Variants in CACTIN observed in about 807,000 individuals in gnomAD.
CACTIN encodes cactin, spliceosome C complex subunit, also known as splicing factor Cactin.
Under a neutral mutation model 84.9 loss-of-function variants are expected in CACTIN, and 20 were observed. That is an observed-to-expected ratio of 0.24 (90% CI 0.17 to 0.34). The LOEUF (loss-of-function observed/expected upper bound fraction) is 0.34. Ranked by LOEUF, CACTIN falls within the 10% of genes least tolerant of loss-of-function variation. The pLI, the probability that CACTIN is intolerant of heterozygous loss-of-function variation, is 1.00. For missense variants in CACTIN, 897 were observed against 1,117.2 expected, an observed-to-expected ratio of 0.80 and a Z score of 2.81; for synonymous variants, 549 against 467.9, an observed-to-expected ratio of 1.17 and a Z score of -2.24.
At chr19:3,612,764 G>A (rs1315969438) in intron 9 of CACTIN, 2 of 698,482 alleles carry the variant, frequency 2.9e-6, no homozygotes, top group Admixed American at 2.0e-5. Flanking sequence ...TCTGAAGCCA[G>A]TATTTTCTCC....
Position 3,623,692 on chromosome 19 carries a change from T to C in CACTIN, c.638A>G (p.Asn213Ser). The C allele has an allele frequency of 1.9e-6, 3 of 1,605,444 alleles. No homozygotes were observed. The highest frequency in any genetic ancestry group is 2.6e-6 in the Non-Finnish European group (3 of 1,174,614). ...CCACCACCCGGCGGGGCCCACCTTA[T>C]TCCAGATGAAGGTGCCCAGCAGGTT... ...DNNLLGTFIW[N>S]KALEKKGISH... Residue 213 changes from asparagine to serine, a missense_variant, in exon 2 of 10, where the codon AAT (asparagine) becomes AGT (serine). Physicochemically the swap from Asn to Ser is conservative, Grantham distance 46 (BLOSUM62 1). Transcript: ENST00000429344.
Position 3,612,324 on chromosome 19 carries a change from G to T in CACTIN, c.1876C>A (p.Pro626Thr). The change falls in exon 10 of 10, where the codon CCA becomes ACA. Residue 626 changes from proline (P) to threonine (T), a missense_variant. Transcript: ENST00000429344. ...CACAGGTAGGCCTTGCCGGTGAGTG[G>T]CATCTCCACGCTGAACTGCGCCTCG... ...QDEAQFSVEM[P>T]LTGKAYLWAD... 1 of 1,612,412 alleles carries T rather than the reference G, an allele frequency of 6.2e-7. No homozygotes were observed.
At chr19:3,619,749 G>A (rs1355212347) in intron 4 of CACTIN, among the ~76,000 whole-genome samples, 1 of 152,128 alleles carries the variant, frequency 6.6e-6, no homozygotes, top group Non-Finnish European at 1.5e-5. Context: ...GCCCGAGCTG[G>A]GAGGAGCCTG....
rs1400009460 is a variant in CACTIN at position 3,613,315 on chromosome 19, C to T, written c.1529G>A (p.Gly510Asp). 2 of 1,574,740 alleles carry T rather than the reference C, an allele frequency of 1.3e-6. No individual in the cohort carries two copies. Among genetic ancestry groups the T allele is most frequent in the African/African-American group, 1.4e-5 (1 of 72,920 alleles). ...APTPPGPSSE[G>D]GPAEAEVDGA... Reference sequence around the variant, plus strand: ...GTCCACCTCGGCCTCCGCGGGGCCGCCCTCCGAGGAGGGCCCGGGCGGGGT... The same window carrying T: ...GTCCACCTCGGCCTCCGCGGGGCCGTCCTCCGAGGAGGGCCCGGGCGGGGT... Residue 510 changes from glycine to aspartate, a missense_variant, in exon 9 of 10, where the codon GGC (glycine) becomes GAC (aspartate). Gly to Asp is a moderately conservative substitution (Grantham distance 94). Around this residue, in one of 8 missense-constraint regions of CACTIN, gnomAD observed 243 missense variants for 239.9 expected, o/e 1.01. Coordinates refer to ENST00000429344, the MANE Select transcript of CACTIN (RefSeq NM_001080543.2).
chr19:3,622,588 C>T (rs1252587205), intron 2 of CACTIN, among the ~76,000 whole-genome samples: 1 of 152,170 alleles, frequency 6.6e-6, no homozygotes, highest in Non-Finnish European at 1.5e-5. Flanking sequence ...CCAGGGAGGG[C>T]CCAGGAATCA....
At chr19:3,613,024 G>C in intron 9 of CACTIN, 34 bp downstream of exon 9, 2 of 1,481,124 alleles carry the variant, frequency 1.4e-6, no homozygotes, top group Non-Finnish European at 1.8e-6. Context: ...TCGCCCCACT[G>C]GCCCCACCCC....
In CACTIN at chr19:3,614,567, G is replaced by A. The variant is rs774890692; in HGVS notation, c.1185C>T (p.Asn395=). 26 of 1,606,234 alleles carry A rather than the reference G, an allele frequency of 1.6e-5. No individual in the cohort carries two copies. The highest frequency in any genetic ancestry group is 6.8e-5 in the Admixed American group (4 of 58,946). Residue 395 remains asparagine (N), a synonymous_variant, in exon 7 of 10, where the codon AAC becomes AAT. Coordinates refer to ENST00000429344, the MANE Select transcript of CACTIN (RefSeq NM_001080543.2). ...KGPGERREGV[N]ASVSSDVQSV... ...ACTGCACATCAGAGCTGACGGAGGC[G>A]TTGACCCCCTCGCGGCGCTCACCTG...
chr19:3,614,034 G>A (rs1348845948), intron 7 of CACTIN: 7 of 477,968 alleles, frequency 1.5e-5, no homozygotes, highest in Non-Finnish European at 2.3e-5. Flanking sequence ...GCAGGCCTGG[G>A]CGCAAGGCAG....
chr19:3,622,549 AG>A (rs1253785716), intron 2 of CACTIN, among the ~76,000 whole-genome samples: 2 of 152,238 alleles, frequency 1.3e-5, no homozygotes, highest in African/African-American at 2.4e-5. Flanking sequence ...CACACAACAC[AG>A]GAACAGGCCG....
intron 2 of CACTIN, among the ~76,000 whole-genome samples, chr19:3,622,585 G>A (rs2145333658): frequency 1.3e-5 from 2 of 152,322 alleles, no homozygotes; most frequent in Middle Eastern, 6.8e-3. Context: ...AAGCCAGGGA[G>A]GGCCCAGGAA....
Position 3,619,089 on chromosome 19 carries a change from C to T in CACTIN, c.1038G>A (p.Glu346=). Residue 346 remains glutamate, a synonymous_variant, in exon 5 of 10, where the codon GAG becomes GAA. Coordinates refer to ENST00000429344, the MANE Select transcript of CACTIN (RefSeq NM_001080543.2). ...GGGTGGGGCTGGGTACCTGGATATC[C>T]TCCAGCAGGTCCTCCATGTCGGCCA... ...LTVADMEDLL[E]DIQVYMELEQ... is the part of the protein sequence containing the mutation. 1 of 1,560,416 alleles carries T rather than the reference C, an allele frequency of 6.4e-7. No homozygotes were observed. The highest frequency in any genetic ancestry group is 8.7e-7 in the Non-Finnish European group (1 of 1,152,556).
chr19:3,614,376 G>GT, intron 7 of CACTIN, 21 bp downstream of exon 7: 1 of 1,556,810 alleles, frequency 6.4e-7, no homozygotes, highest in Non-Finnish European at 8.7e-7. Flanking sequence ...ACCAACCCTG[G>GT]TACCCGCACC....
chr19:3,624,090 G>A lies in CACTIN; in HGVS notation c.240C>T (p.His80=). ...CCGACTGAGAGGACCCATCTCTTGA[G>A]TGCCACTTGGGCCGCGGGGGGCTCC... is the stretch of plus-strand genomic sequence containing the variant. The part of the protein sequence containing the change: ...RSRSPPRPKW[H]SRDGSSQSDS... The change falls in exon 2 of 10, where the codon CAC becomes CAT. Residue 80 remains histidine, a synonymous_variant. Coordinates refer to ENST00000429344, the MANE Select transcript of CACTIN (RefSeq NM_001080543.2). 6.3e-7 allele frequency: 1 copy of A among 1,596,794 alleles called. No homozygotes were observed. The highest frequency in any genetic ancestry group is 1.1e-5 in the South Asian group (1 of 91,016).
At chr19:3,625,789 C>T (rs2033321124) in intron 1 of CACTIN, among the ~76,000 whole-genome samples, 1 of 152,234 alleles carries the variant, frequency 6.6e-6, no homozygotes, top group Non-Finnish European at 1.5e-5. Flanking sequence ...CGGGGCAAGA[C>T]TGGCCTGAGT....
At chr19:3,618,653 C>A (rs761097012) in intron 6 of CACTIN, among the ~76,000 whole-genome samples, 6 of 152,238 alleles carry the variant, frequency 3.9e-5, no homozygotes, top group African/African-American at 1.4e-4. Flanking sequence ...TGGGTCTGGA[C>A]GCTGCTGGCC....
chr19:3,618,191 G>GC (rs2033147319), intron 6 of CACTIN, among the ~76,000 whole-genome samples: 1 of 102,664 alleles, frequency 9.7e-6, no homozygotes, highest in Non-Finnish European at 2.1e-5. Context: ...GGGGGGGGGG[G>GC]TCTCATCTAG....
chr19:3,612,382 G>A lies in CACTIN; in HGVS notation c.1818C>T (p.Phe606=). The A allele has an allele frequency of 6.2e-7, 1 of 1,604,522 alleles. No individual in the cohort carries two copies. The highest frequency in any genetic ancestry group is 2.2e-5 in the East Asian group (1 of 44,776). ...CCATGCCCTCCTTGGCCCGCCGGAA[G>A]AAGATGTCCTCGGCGCTCTCGCTGG... ...GDASESAEDI[F]FRRAKEGMGQ... is the part of the protein sequence containing the mutation. The change falls in exon 10 of 10, where the codon TTC becomes TTT. Residue 606 remains phenylalanine, a synonymous_variant. Coordinates refer to ENST00000429344, the MANE Select transcript of CACTIN (RefSeq NM_001080543.2).
Position 3,620,694 on chromosome 19 carries a change from G to C in CACTIN, c.738+13C>G. The C allele has an allele frequency of 6.2e-7, 1 of 1,601,682 alleles. No homozygotes were observed. Among genetic ancestry groups the C allele is most frequent in the Non-Finnish European group, 8.5e-7 (1 of 1,173,146 alleles). On this transcript the variant is annotated intron_variant, in intron 3 of 9. Transcript: ENST00000429344. The stretch of plus-strand genomic sequence containing the variant: ...AGGGAGGGCCCTGCCCAGTGGGCTG[G>C]CAGGGTGCCTACCTTCTGCAGCTCC...
intron 1 of CACTIN, among the ~76,000 whole-genome samples, chr19:3,625,756 C>T (rs10406036): frequency 6.6e-6 from 1 of 152,272 alleles, no homozygotes; most frequent in Non-Finnish European, 1.5e-5. Flanking sequence ...AACCAACAAC[C>T]GATGAGTGAA....
Sources: gnomAD v4.1 joint callset for allele counts (sites outside exome capture counted in the v4.1 genomes callset) on GRCh38, gnomAD v4.1.1 for gene constraint, gnomAD v4.1.1 regional missense constraint, MANE v1.5 for transcripts, NCBI Gene and HGNC (gene_info 2026-07-23, HGNC 2026-07-21) for gene names.